MAPK12: variants seen among roughly 807,000 people sequenced by gnomAD.
MAPK12 encodes the protein mitogen-activated protein kinase 12, also known as MAP kinase 12.
Under a neutral mutation model 49.1 loss-of-function variants are expected in MAPK12, and 49 were observed. The observed-to-expected ratio is 1.00, with a 90% CI of 0.79 to 1.27. The LOEUF is 1.27. Among genes scored for constraint, MAPK12 ranks in the 50% most tolerant of loss-of-function variants. The pLI is 0.00. For missense variants in MAPK12, 554 were observed against 502.4 expected (o/e 1.10, Z -0.98); for synonymous variants, 251 against 209.7 (o/e 1.20, Z -1.70).
intron 11 of MAPK12, 64 bp from the exon 12 acceptor site, chr22:50,253,544 A>G: frequency 1.2e-6 from 1 of 819,782 alleles, no homozygotes; most frequent in Non-Finnish European, 2.1e-6. Flanking sequence ...CCATCCTGGG[A>G]GTCGCTCACA....
intron 3 of MAPK12, chr22:50,257,934 C>A: frequency 1.3e-6 from 1 of 773,580 alleles, no homozygotes; most frequent in Non-Finnish European, 2.4e-6. Flanking sequence ...GGGTCCCGAG[C>A]ACGGGACCTT....
Position 50,257,616 on chromosome 22 carries a change from G to T in MAPK12, c.315-423C>A, listed in dbSNP as rs1601643325. On this transcript the variant is annotated intron_variant, in intron 3 of 11. Transcript: ENST00000215659. ...TGTGCCAGAAATGAGGGAGGTGCCT[G>T]GGGGCGATGGGGGCGCGGCAAGGCA... 3 of 565,794 alleles carry T rather than the reference G, an allele frequency of 5.3e-6. No individual in the cohort carries two copies. The East Asian group carries it at 8.9e-5, about 17-fold the overall frequency. 35.0% of individuals were successfully genotyped at this position (565,794 alleles called of 1,614,324 possible). A position where few individuals can be genotyped will look rare whatever the true frequency, so the allele number is the denominator to read the frequency against.
intron 6 of MAPK12, 46 bp from the exon 7 acceptor site, chr22:50,256,245 G>T: frequency 6.8e-7 from 1 of 1,460,468 alleles, no homozygotes; most frequent in Non-Finnish European, 9.5e-7. Context: ...CTCCCAAGGA[G>T]CGGACAGGCC....
chr22:50,253,350 C>T lies in MAPK12; in HGVS notation c.*51G>A. On this transcript the variant is annotated 3_prime_UTR_variant, in exon 12 of 12. Transcript: ENST00000215659. ...CAAGGTGGCAACGAGAGTCCCCTCT[C>T]AGGTGGAAGGTGAAGGTGGTCCTCA... The T allele has an allele frequency of 7.5e-7, 1 of 1,334,654 alleles. No individual in the cohort carries two copies. The highest frequency in any genetic ancestry group is 2.5e-5 in the East Asian group (1 of 39,908). The allele number at this position is 1,334,654 out of a possible 1,614,324, so 82.7% of individuals were successfully genotyped here.
At chr22:50,260,098 G>T (rs917543636) in intron 2 of MAPK12, among the ~76,000 whole-genome samples, 1 of 151,850 alleles carries the variant, frequency 6.6e-6, no homozygotes, top group Admixed American at 6.6e-5. Flanking sequence ...GGCAGGGCTG[G>T]TGTCCACTGC....
At chr22:50,256,688 A>G in intron 5 of MAPK12, 42 bp from the exon 6 acceptor site, 1 of 1,586,176 alleles carries the variant, frequency 6.3e-7, no homozygotes, top group Non-Finnish European at 8.6e-7. Context: ...CCACCCTCCC[A>G]AGCATGGGCA....
chr22:50,261,131 C>T (rs1379911779), intron 2 of MAPK12, 36 bp downstream of exon 2: 1 of 1,542,416 alleles, frequency 6.5e-7, no homozygotes, highest in Non-Finnish European at 8.8e-7. Flanking sequence ...AAGCCGAGGC[C>T]GCGGCGCCTT....
chr22:50,259,927 A>G (rs1253256693), intron 2 of MAPK12, among the ~76,000 whole-genome samples: 3 of 127,566 alleles, frequency 2.4e-5, no homozygotes, highest in Non-Finnish European at 3.3e-5. Context: ...GCTTGGCTGG[A>G]TGGGGCAAGG....
intron 2 of MAPK12, 38 bp from the exon 3 acceptor site, chr22:50,258,339 A>ACACGGGCTGGGG (rs1415150385): frequency 6.3e-7 from 1 of 1,587,868 alleles, no homozygotes; most frequent in Non-Finnish European, 8.6e-7. Flanking sequence ...GCAGCAGAGG[A>ACACGGGCTGGGG]CACGGGCTGG....
rs752758155 is a variant in MAPK12 at position 50,253,230 on chromosome 22, G to A, written c.*171C>T. The A allele has an allele frequency of 9.1e-5, 60 of 662,822 alleles. No homozygotes were observed. In the East Asian group the frequency reaches 1.1e-3, roughly 12 times the overall value. 41.1% of individuals were successfully genotyped at this position (662,822 alleles called of 1,614,324 possible). ...GTTCAGGTGCTCCTCCATGATGGGC[G>A]CCCAAGAGCAGAGGCATGGCCGTGG... On this transcript the variant is annotated 3_prime_UTR_variant, in exon 12 of 12. Transcript: ENST00000215659.
chr22:50,253,499 C>CGGGGGGGGGGGG lies in MAPK12; in HGVS notation c.1025-20_1025-19insCCCCCCCCCCCC. 1.5e-6 allele frequency: 1 copy of CGGGGGGGGGGGG among 660,038 alleles called. No homozygotes were observed. Among genetic ancestry groups the CGGGGGGGGGGGG allele is most frequent in the Non-Finnish European group, 2.1e-6 (1 of 486,420 alleles). 40.9% of individuals were successfully genotyped at this position (660,038 alleles called of 1,614,324 possible). ...GTAACACCTGGCGGGGGTGGGGGGG[C>CGGGGGGGGGGGG]GGGCACAACAGAGAGGGGGGTCAGC... On this transcript the variant is annotated intron_variant, in intron 11 of 11. Transcript: ENST00000215659.
rs948348980 is a variant in MAPK12, at chr22:50,253,464, C to T, written c.1041G>A (p.Glu347=). The T allele has an allele frequency of 1.5e-6, 2 of 1,339,024 alleles. No homozygotes were observed. Among genetic ancestry groups the T allele is most frequent in the African/African-American group, 1.7e-5 (1 of 57,506 alleles). 82.9% of individuals were successfully genotyped at this position (1,339,024 alleles called of 1,614,324 possible). ...LDEWKRVTYK[E]VLSFKPPRQL... is the part of the protein sequence containing the mutation. ...GCCGGGGAGGCTTGAAGCTGAGCACCTCTTTGTAAGTAACACCTGGCGGGG... is the reference window on the plus strand; with the variant it reads ...GCCGGGGAGGCTTGAAGCTGAGCACTTCTTTGTAAGTAACACCTGGCGGGG... The change falls in exon 12 of 12, where the codon GAG becomes GAA. Residue 347 remains glutamate, a synonymous_variant. Transcript: ENST00000215659.
chr22:50,259,952 T>G (rs1306027370), intron 2 of MAPK12, among the ~76,000 whole-genome samples: 11 of 50,180 alleles, frequency 2.2e-4, no homozygotes, highest in South Asian at 7.5e-4. Context: ...GGTGGGTGAG[T>G]GGGTGGGTGG....
intron 9 of MAPK12, 24 bp from the exon 10 acceptor site, chr22:50,255,555 G>A (rs748732607): frequency 3.1e-6 from 5 of 1,612,946 alleles, no homozygotes; most frequent in South Asian, 1.1e-5. Context: ...AAGGGTGAGG[G>A]GCCAACACCA....
Position 50,257,087 on chromosome 22 carries a change from G to T in MAPK12, c.421C>A (p.Leu141Met). ...QFLVYQMLKG[L>M]RYIHAAGIIH... ...GCCTCCCCCGGGGCCCGTACCCTCA[G>T]CCCCTTCAGCATCTGGTACACGAGG... Residue 141 changes from leucine to methionine, a missense_variant, in exon 4 of 12, where the codon CTG becomes ATG. Leu to Met is a conservative substitution (Grantham distance 15, BLOSUM62 2). Coordinates refer to ENST00000215659, the MANE Select transcript of MAPK12 (RefSeq NM_002969.6). 1 of 1,612,314 alleles carries T rather than the reference G, an allele frequency of 6.2e-7. No homozygotes were observed. Among genetic ancestry groups the T allele is most frequent in the Non-Finnish European group, 8.5e-7 (1 of 1,179,832 alleles).
At chr22:50,255,145 C>A (rs1393817941) in intron 11 of MAPK12, 52 bp downstream of exon 11, 1 of 1,606,330 alleles carries the variant, frequency 6.2e-7, no homozygotes, top group East Asian at 2.2e-5. Context: ...AGGCCCTGCC[C>A]AGAGCCCCCC....
At position 50,255,310 on chromosome 22, in the gene MAPK12, T is replaced by G. The variant is rs1272061993; in HGVS notation, c.911A>C (p.Glu304Ala). 6.2e-7 allele frequency: 1 copy of G among 1,613,408 alleles called. No homozygotes were observed. The highest frequency in any genetic ancestry group is 8.5e-7 in the Non-Finnish European group (1 of 1,179,992). The change falls in exon 11 of 12, where the codon GAG (glutamate) becomes GCG (alanine). Residue 304 changes from glutamate (E) to alanine (A), a missense_variant. Coordinates refer to ENST00000215659, the MANE Select transcript of MAPK12 (RefSeq NM_002969.6). ...CTCGAAGTAGGGATGGGCCAGCGCC[T>G]CGCCTGCCGTCACCCGCTGCTCCGC... Reference protein sequence around the residue: ...LDAEQRVTAGEALAHPYFESL... With the variant: ...LDAEQRVTAGAALAHPYFESL...
intron 2 of MAPK12, among the ~76,000 whole-genome samples, chr22:50,259,751 G>A (rs1361801842): frequency 6.6e-6 from 1 of 151,976 alleles, no homozygotes; most frequent in African/African-American, 2.4e-5. Flanking sequence ...AGGCGTGGTG[G>A]CGCGCGCCTG....
At chr22:50,255,723 G>A (rs1309499516) in intron 8 of MAPK12, 29 bp from the exon 9 acceptor site, 7 of 1,609,554 alleles carry the variant, frequency 4.3e-6, no homozygotes, top group African/African-American at 2.7e-5. Context: ...CACAGCTCGG[G>A]GGCCAGAGAT....
Sources: gnomAD v4.1 joint callset for allele counts (sites outside exome capture counted in the v4.1 genomes callset) on GRCh38, gnomAD v4.1.1 for gene constraint, MANE v1.5 for transcripts, NCBI Gene and HGNC (gene_info 2026-07-23, HGNC 2026-07-21) for gene names.